GRM7: variants seen among roughly 807,000 people sequenced by gnomAD.
GRM7 encodes the protein glutamate metabotropic receptor 7.
GRM7 carries 35 observed loss-of-function variants against 84.5 expected under a neutral mutation model. The observed-to-expected ratio is 0.41, with a 90% CI of 0.32 to 0.55. The LOEUF (loss-of-function observed/expected upper bound fraction) is 0.55. Ranked by LOEUF, GRM7 falls within the 20% of genes least tolerant of loss-of-function variation. GRM7 has a pLI of 0.19. For synonymous variants in GRM7, 487 were observed against 455.1 expected (o/e 1.07, Z -0.89); for missense variants, 1,003 against 1,194.6 (o/e 0.84, Z 2.36).
Position 7,080,515 on chromosome 3 carries a change from C to T in GRM7, c.520-65937C>T, listed in dbSNP as rs745410299. 1.3e-4 allele frequency among the ~76,000 whole-genome samples: 20 copies of T among 152,036 alleles called. No homozygotes were observed. The South Asian group carries it at 1.9e-3, about 14-fold the overall frequency. On this transcript the variant is annotated intron_variant, in intron 1 of 9. Coordinates refer to ENST00000357716, the MANE Select transcript of GRM7 (RefSeq NM_000844.4). ...ATTTTCTTATATGTTTCATAGTCAG[C>T]GGATATGAAAGAAGTCCAAACTAAA...
intron 1 of GRM7, among the ~76,000 whole-genome samples, chr3:7,005,729 A>G (rs967395694): frequency 6.6e-6 from 1 of 152,244 alleles, no homozygotes; most frequent in Non-Finnish European, 1.5e-5. Context: ...CTTCAGATAC[A>G]GAAAAATCCA....
At chr3:6,933,063 T>G (rs1195331192) in intron 1 of GRM7, among the ~76,000 whole-genome samples, 1 of 152,102 alleles carries the variant, frequency 6.6e-6, no homozygotes, top group Non-Finnish European at 1.5e-5. Flanking sequence ...CCTTTAATGT[T>G]TTTATAAGTT....
intron 8 of GRM7, among the ~76,000 whole-genome samples, chr3:7,629,231 C>CCAAA (rs1697758309): frequency 6.6e-6 from 1 of 152,088 alleles, no homozygotes; most frequent in Non-Finnish European, 1.5e-5. Flanking sequence ...ATAGATAGTA[C>CCAAA]TATATAACCA....
At chr3:7,634,381 GT>G (rs1461221497) in intron 8 of GRM7, among the ~76,000 whole-genome samples, 1 of 143,028 alleles carries the variant, frequency 7.0e-6, no homozygotes, top group Non-Finnish European at 1.5e-5. Context: ...ATTGACAAGT[GT>G]TTTTCCCATT....
At chr3:7,254,885 C>T (rs1698138055) in intron 2 of GRM7, among the ~76,000 whole-genome samples, 1 of 152,172 alleles carries the variant, frequency 6.6e-6, no homozygotes, top group African/African-American at 2.4e-5. Flanking sequence ...CACATTATAA[C>T]CCTTTCAACT....
At chr3:7,264,181 T>C (rs1698547504) in intron 2 of GRM7, among the ~76,000 whole-genome samples, 1 of 152,104 alleles carries the variant, frequency 6.6e-6, no homozygotes, top group South Asian at 2.1e-4. Context: ...CCGAGGGGTG[T>C]TCAGGCCAGA....
At chr3:7,485,391 T>G (rs1007187569) in intron 7 of GRM7, among the ~76,000 whole-genome samples, 15 of 152,188 alleles carry the variant, frequency 9.9e-5, no homozygotes, top group African/African-American at 3.4e-4. Context: ...CCTGGCCATA[T>G]CTATTAGATT....
chr3:7,706,752 A>G (rs1367234375), intron 9 of GRM7, among the ~76,000 whole-genome samples: 4 of 152,178 alleles, frequency 2.6e-5, no homozygotes, highest in Non-Finnish European at 5.9e-5. Flanking sequence ...TTATGTTTGC[A>G]TGACTGATTA....
intron 7 of GRM7, among the ~76,000 whole-genome samples, chr3:7,521,383 G>C (rs1260745662): frequency 6.6e-6 from 1 of 152,172 alleles, no homozygotes; most frequent in Admixed American, 6.5e-5. Flanking sequence ...TGAGGCCTTT[G>C]GCCAGATGAT....
chr3:7,514,169 A>G (rs910480711), intron 7 of GRM7, among the ~76,000 whole-genome samples: 1 of 152,226 alleles, frequency 6.6e-6, no homozygotes, highest in African/African-American at 2.4e-5. Flanking sequence ...TATGATTTTT[A>G]TATCCTTTTT....
At chr3:7,630,229 C>G (rs1421098303) in intron 8 of GRM7, among the ~76,000 whole-genome samples, 1 of 152,094 alleles carries the variant, frequency 6.6e-6, no homozygotes, top group Non-Finnish European at 1.5e-5. Flanking sequence ...TGAAAGAAGG[C>G]CCCCTTAGGA....
chr3:7,265,979 T>A (rs1256042880), intron 2 of GRM7, among the ~76,000 whole-genome samples: 2 of 152,138 alleles, frequency 1.3e-5, no homozygotes, highest in Non-Finnish European at 2.9e-5. Context: ...AAGACTGTGG[T>A]CAGTGCTGGG....
At chr3:7,555,621 T>A (rs1693719963) in intron 7 of GRM7, among the ~76,000 whole-genome samples, 1 of 152,216 alleles carries the variant, frequency 6.6e-6, no homozygotes, top group Non-Finnish European at 1.5e-5. Context: ...ACTGCCTGAA[T>A]TTTAGGATTT....
chr3:7,317,106 T>A (rs1040184214), intron 4 of GRM7, among the ~76,000 whole-genome samples: 3 of 152,174 alleles, frequency 2.0e-5, no homozygotes, highest in East Asian at 3.9e-4. Flanking sequence ...GTACTGAGAA[T>A]TGACCATTCA....
intron 1 of GRM7, among the ~76,000 whole-genome samples, chr3:7,089,921 C>A (rs1698602798): frequency 6.6e-6 from 1 of 152,098 alleles, no homozygotes; most frequent in Non-Finnish European, 1.5e-5. Flanking sequence ...CGGCTCACTG[C>A]AACCTCTACT....
At chr3:7,402,502 G>A (rs1695493261) in intron 4 of GRM7, among the ~76,000 whole-genome samples, 1 of 152,052 alleles carries the variant, frequency 6.6e-6, no homozygotes, top group Admixed American at 6.6e-5. Context: ...TTGTTTACGA[G>A]CCATCTATTC....
At chr3:7,100,284 A>C (rs1304534647) in intron 1 of GRM7, among the ~76,000 whole-genome samples, 1 of 151,598 alleles carries the variant, frequency 6.6e-6, no homozygotes, top group African/African-American at 2.4e-5. Flanking sequence ...TGGGCTGTGT[A>C]CTTGGTAATG....
Position 7,524,635 on chromosome 3 carries a change from G to A in GRM7, c.1516-53787G>A, listed in dbSNP as rs1421387470. Among the ~76,000 whole-genome samples the A allele has an allele frequency of 3.6e-5, 3 of 84,084 alleles. 1 individual carries two copies. The highest frequency in any genetic ancestry group is 5.5e-4 in the East Asian group (2 of 3,658). The allele number at this position is 84,084 out of a possible 152,430, so 55.2% of individuals were successfully genotyped here. A position where few individuals can be genotyped will look rare whatever the true frequency, so the allele number is the denominator to read the frequency against. ...AAACAACAGGTGCTGGAGAGGATGT[G>A]GAGAAATAGGAACACTTTGACACTG... On this transcript the variant is annotated intron_variant, in intron 7 of 9. Transcript: ENST00000357716.
intron 8 of GRM7, among the ~76,000 whole-genome samples, chr3:7,635,497 A>C (rs1698053362): frequency 6.6e-6 from 1 of 152,164 alleles, no homozygotes; most frequent in South Asian, 2.1e-4. Context: ...TGCTTGTTTA[A>C]GATGAAATTC....
Sources: allele counts gnomAD v4.1 joint callset (sites outside exome capture counted in the v4.1 genomes callset), GRCh38; gene constraint gnomAD v4.1.1; transcripts MANE v1.5; gene names NCBI Gene and HGNC (gene_info 2026-07-23, HGNC 2026-07-21).